NEDD9: variants seen among roughly 807,000 people sequenced by gnomAD.
The protein encoded by NEDD9 is enhancer of filamentation 1.
A neutral mutation model predicts 76.6 loss-of-function variants in NEDD9; 26 were observed. The ratio of observed to expected loss-of-function variants is 0.34; its 90% CI spans 0.25 to 0.47. NEDD9 has a LOEUF of 0.47. Ranked by LOEUF, NEDD9 falls within the 20% of genes least tolerant of loss-of-function variation. NEDD9 has a pLI of 1.00. For missense variants in NEDD9, 937 were observed against 1,058.5 expected, an observed-to-expected ratio of 0.89 and a Z score of 1.59; for synonymous variants, 392 against 414.2, an observed-to-expected ratio of 0.95 and a Z score of 0.65.
chr6:11,196,011 A>G (rs1758281804), intron 2 of NEDD9, among the ~76,000 whole-genome samples: 2 of 151,526 alleles, frequency 1.3e-5, no homozygotes, highest in Admixed American at 1.3e-4. Flanking sequence ...CAAACAAACA[A>G]TCAAACAAAC....
chr6:11,301,256 A>G (rs1440365491), intron 3 of NEDD9, among the ~76,000 whole-genome samples: 1 of 152,248 alleles, frequency 6.6e-6, no homozygotes, highest in Non-Finnish European at 1.5e-5. Flanking sequence ...AACAAAGATC[A>G]AAAGAGACAA....
At chr6:11,228,138 C>T (rs938778937) in intron 1 of NEDD9, among the ~76,000 whole-genome samples, 3 of 151,592 alleles carry the variant, frequency 2.0e-5, no homozygotes, top group African/African-American at 4.9e-5. Context: ...GTAAGATCTA[C>T]GGAAGTCAGT....
At chr6:11,288,472 T>C (rs1760696090) in intron 3 of NEDD9, among the ~76,000 whole-genome samples, 1 of 152,236 alleles carries the variant, frequency 6.6e-6, no homozygotes, top group Non-Finnish European at 1.5e-5. Flanking sequence ...GTCCACAGGA[T>C]CAGAACAAGT....
rs1222105420 is a variant in NEDD9, at chr6:11,183,737, A to T, written c.*1425T>A. ...TTGGTTGTTTAAAACAAGCAAGCTT[A>T]ATTCAGTCAGGCATATATTGCAAAT... On this transcript the variant is annotated 3_prime_UTR_variant, in exon 7 of 7. Coordinates refer to ENST00000379446, the MANE Select transcript of NEDD9 (RefSeq NM_006403.4). The T allele has an allele frequency of 1.3e-5, 2 of 152,236 alleles. No homozygotes were observed. Among genetic ancestry groups the T allele is most frequent in the Non-Finnish European group, 1.5e-5 (1 of 68,044 alleles). 9.4% of individuals were successfully genotyped at this position (152,236 alleles called of 1,614,324 possible).
chr6:11,187,276 C>T (rs544548766), intron 6 of NEDD9, among the ~76,000 whole-genome samples: 2 of 152,264 alleles, frequency 1.3e-5, no homozygotes, highest in East Asian at 1.9e-4. Context: ...TGCCATTTCA[C>T]TTCATTTCAT....
intron 2 of NEDD9, among the ~76,000 whole-genome samples, chr6:11,316,699 A>G (rs1293219493): frequency 6.6e-6 from 1 of 152,232 alleles, no homozygotes; most frequent in Non-Finnish European, 1.5e-5. Flanking sequence ...TTATAAAGCT[A>G]TACTCCAGTT....
chr6:11,373,143 C>T (rs1762909467), intron 1 of NEDD9, among the ~76,000 whole-genome samples: 1 of 141,714 alleles, frequency 7.1e-6, no homozygotes, highest in Admixed American at 7.0e-5. Flanking sequence ...AACTGTTTTG[C>T]CATAAAAATT....
chr6:11,200,379 C>A, intron 2 of NEDD9: 1 of 592,738 alleles, frequency 1.7e-6, no homozygotes, highest in South Asian at 1.7e-5. Flanking sequence ...TCTCTGGAGG[C>A]AGAGAACATC....
rs558832562 is a variant in NEDD9 at position 11,326,308 on chromosome 6, C to G, written c.-153+8193G>C. Reference sequence around the variant, plus strand: ...CACAGCTGCTGAACCCAGGTCCTCCCTGCTCATGATTATAGCTTGCTGTGG... The same window carrying G: ...CACAGCTGCTGAACCCAGGTCCTCCGTGCTCATGATTATAGCTTGCTGTGG... On this transcript the variant is annotated intron_variant, in intron 2 of 3. Transcript: ENST00000397378. Among the ~76,000 whole-genome samples the G allele has an allele frequency of 3.6e-4, 55 of 152,308 alleles. No individual in the cohort carries two copies. The South Asian group carries it at 0.011, about 32-fold the overall frequency.
chr6:11,255,146 G>A (rs1759979142), intron 3 of NEDD9, among the ~76,000 whole-genome samples: 1 of 152,216 alleles, frequency 6.6e-6, no homozygotes, highest in Non-Finnish European at 1.5e-5. Flanking sequence ...ATGGAGAAAT[G>A]AGTGGATGAA....
chr6:11,269,780 C>T (rs1455937004), intron 3 of NEDD9, among the ~76,000 whole-genome samples: 2 of 152,228 alleles, frequency 1.3e-5, no homozygotes, highest in African/African-American at 4.8e-5. Flanking sequence ...TCTCTTACTT[C>T]CTCTGAATTA....
chr6:11,337,318 T>C (rs1173672936), intron 1 of NEDD9, among the ~76,000 whole-genome samples: 1 of 152,164 alleles, frequency 6.6e-6, no homozygotes, highest in African/African-American at 2.4e-5. Flanking sequence ...TAAGGAGAAA[T>C]TGTACACTCT....
intron 2 of NEDD9, among the ~76,000 whole-genome samples, chr6:11,205,146 C>T (rs1758572187): frequency 1.3e-5 from 2 of 152,184 alleles, no homozygotes; most frequent in African/African-American, 4.8e-5. Context: ...AAATATCAAT[C>T]CTGCCTCTCA....
chr6:11,363,620 A>C (rs1470679374), intron 1 of NEDD9, among the ~76,000 whole-genome samples: 2 of 152,180 alleles, frequency 1.3e-5, no homozygotes, highest in African/African-American at 4.8e-5. Flanking sequence ...ACTGGAATGA[A>C]AGGCTCCATC....
rs1014638172 is a variant in NEDD9 at position 11,327,531 on chromosome 6, G to A, written c.-153+6970C>T. On this transcript the variant is annotated intron_variant, in intron 2 of 3. Coordinates refer to the NEDD9 transcript ENST00000397378. ...AGTATCTTCACAGTCAATAGACCTC[G>A]AAGTCTGGAGGTTGAAAGCCACGTT... Among the ~76,000 whole-genome samples the A allele has an allele frequency of 5.3e-5, 8 of 152,318 alleles. No homozygotes were observed. The East Asian group carries it at 5.8e-4, about 11-fold the overall frequency.
intron 3 of NEDD9, among the ~76,000 whole-genome samples, chr6:11,297,508 G>GA: frequency 6.6e-6 from 1 of 152,176 alleles, no homozygotes; most frequent in Non-Finnish European, 1.5e-5. Context: ...TCTGGAACCA[G>GA]AAAAATCACA....
chr6:11,317,704 A>G (rs1041220778), intron 2 of NEDD9, among the ~76,000 whole-genome samples: 3 of 152,182 alleles, frequency 2.0e-5, no homozygotes, highest in Non-Finnish European at 2.9e-5. Context: ...ACTTGGCTGT[A>G]AAGAAAAGAT....
intron 3 of NEDD9, among the ~76,000 whole-genome samples, chr6:11,280,617 T>C (rs547845794): frequency 3.3e-5 from 5 of 152,310 alleles, no homozygotes; most frequent in Admixed American, 2.6e-4. Context: ...TCCAGTTGAG[T>C]GGAGAAGGAA....
intron 3 of NEDD9, among the ~76,000 whole-genome samples, chr6:11,239,941 C>T (rs930100523): frequency 4.1e-5 from 6 of 147,906 alleles, no homozygotes; most frequent in East Asian, 2.0e-4. Flanking sequence ...CTACTTGGGA[C>T]GATGAGACAG....
Sources: allele counts gnomAD v4.1 joint callset (sites outside exome capture counted in the v4.1 genomes callset), GRCh38; gene constraint gnomAD v4.1.1; transcripts MANE v1.5; gene names NCBI Gene and HGNC (gene_info 2026-07-23, HGNC 2026-07-21).